Variants in CDH12 observed in about 807,000 individuals in gnomAD.
CDH12 encodes the protein cadherin 12.
Under a neutral mutation model 74.1 loss-of-function variants are expected in CDH12, and 41 were observed. The ratio of observed to expected loss-of-function variants is 0.55; its 90% CI spans 0.43 to 0.72. The LOEUF (loss-of-function observed/expected upper bound fraction) is 0.72. Among genes scored for constraint, CDH12 ranks in the 30% least tolerant of loss-of-function variants. The pLI is 0.00. For synonymous variants in CDH12, 399 were observed against 355.0 expected (o/e 1.12, Z -1.39); for missense variants, 945 against 977.2 (o/e 0.97, Z 0.44).
intron 3 of CDH12, among the ~76,000 whole-genome samples, chr5:22,306,398 G>T (rs1171638117): frequency 6.6e-6 from 1 of 151,938 alleles, no homozygotes; most frequent in African/African-American, 2.4e-5. Context: ...GAGAGAGAGA[G>T]ATTACAGAGA....
At chr5:21,957,408 T>C (rs13361901) in intron 6 of CDH12, among the ~76,000 whole-genome samples, 25,687 of 152,058 alleles carry the variant, frequency 0.17, 2,544 homozygotes, top group African/African-American at 0.27. Flanking sequence ...TAGAATGATA[T>C]ATTTTCTTCT....
chr5:21,842,018 AG>A, intron 8 of CDH12, 142 bp downstream of exon 8: 1 of 658,130 alleles, frequency 1.5e-6, no homozygotes, highest in Admixed American at 3.0e-5. Flanking sequence ...AAAAAAAAAA[AG>A]ATTTGTAATT....
intron 1 of CDH12, among the ~76,000 whole-genome samples, chr5:22,796,519 T>A (rs202203538): frequency 1.1e-5 from 1 of 90,766 alleles, no homozygotes; most frequent in Non-Finnish European, 2.0e-5. Context: ...TTTATCTTTT[T>A]TTTTTTTTTT....
At chr5:22,676,657 A>C (rs1741205935) in intron 1 of CDH12, among the ~76,000 whole-genome samples, 1 of 152,238 alleles carries the variant, frequency 6.6e-6, no homozygotes, top group South Asian at 2.1e-4. Flanking sequence ...GATAATACAG[A>C]ATATCTTCAA....
At chr5:22,563,070 A>C (rs1381481885) in intron 1 of CDH12, among the ~76,000 whole-genome samples, 3 of 147,198 alleles carry the variant, frequency 2.0e-5, no homozygotes, top group Admixed American at 2.0e-4. Context: ...ATATAGATTT[A>C]TATATTTATA....
intron 5 of CDH12, among the ~76,000 whole-genome samples, chr5:22,001,716 TTGC>T (rs1736613060): frequency 1.3e-5 from 2 of 152,080 alleles, no homozygotes; most frequent in South Asian, 4.1e-4. Flanking sequence ...CATATACTTT[TTGC>T]TGCTTTTTTT....
intron 1 of CDH12, among the ~76,000 whole-genome samples, chr5:22,532,375 A>ATATATATATATATATATATATG (rs1178546849): frequency 5.3e-5 from 4 of 75,834 alleles, no homozygotes; most frequent in African/African-American, 1.4e-4. Flanking sequence ...ATATATATAT[A>ATATATATATATATATATATATG]TATGTATGTA....
At chr5:22,525,321 C>A (rs552585577) in intron 1 of CDH12, among the ~76,000 whole-genome samples, 2 of 152,180 alleles carry the variant, frequency 1.3e-5, no homozygotes, top group East Asian at 3.9e-4. Flanking sequence ...TTGACCAAAA[C>A]AAATCACATG....
At chr5:21,950,715 G>A (rs1755811197) in intron 6 of CDH12, among the ~76,000 whole-genome samples, 1 of 149,578 alleles carries the variant, frequency 6.7e-6, no homozygotes, top group African/African-American at 2.4e-5. Flanking sequence ...ATTTAAAAAT[G>A]CAAGTGAGGT....
chr5:22,643,420 C>T (rs1739254682), intron 1 of CDH12, among the ~76,000 whole-genome samples: 1 of 152,104 alleles, frequency 6.6e-6, no homozygotes. Flanking sequence ...TAAAATAGCT[C>T]ATATGAAGGG....
intron 3 of CDH12, among the ~76,000 whole-genome samples, chr5:22,257,673 G>C (rs1176776888): frequency 6.6e-6 from 1 of 151,716 alleles, no homozygotes; most frequent in Non-Finnish European, 1.5e-5. Context: ...CTAATTTTTT[G>C]TATTTTTAGT....
intron 6 of CDH12, among the ~76,000 whole-genome samples, chr5:21,932,726 C>T (rs1337130133): frequency 1.3e-5 from 2 of 151,786 alleles, no homozygotes. Flanking sequence ...TGACAAAACC[C>T]CATCTGTACT....
At chr5:22,558,976 T>C (rs777036376) in intron 1 of CDH12, among the ~76,000 whole-genome samples, 1 of 152,124 alleles carries the variant, frequency 6.6e-6, no homozygotes, top group Non-Finnish European at 1.5e-5. Context: ...ATGCCACTGC[T>C]TGTATGTTGG....
At chr5:22,697,004 A>G (rs557652027) in intron 1 of CDH12, among the ~76,000 whole-genome samples, 2 of 152,274 alleles carry the variant, frequency 1.3e-5, no homozygotes, top group African/African-American at 4.8e-5. Flanking sequence ...GATTGAAGTT[A>G]TTTAAGAAAA....
intron 6 of CDH12, among the ~76,000 whole-genome samples, chr5:21,955,277 T>A (rs1191570361): frequency 2.0e-5 from 3 of 151,974 alleles, no homozygotes; most frequent in Non-Finnish European, 2.9e-5. Flanking sequence ...TCAAGCTTTT[T>A]TTTTTCTTAT....
chr5:22,124,002 C>A (rs1414307086), intron 4 of CDH12, among the ~76,000 whole-genome samples: 1 of 151,142 alleles, frequency 6.6e-6, no homozygotes, highest in Non-Finnish European at 1.5e-5. Flanking sequence ...GAGTCTCGCT[C>A]TGTCTCCCAG....
intron 4 of CDH12, among the ~76,000 whole-genome samples, chr5:22,117,493 A>G (rs796128304): frequency 0.01 from 765 of 73,202 alleles, 15 homozygotes; most frequent in Middle Eastern, 0.013. Context: ...TATATATTAT[A>G]TATATATAAT....
intron 6 of CDH12, among the ~76,000 whole-genome samples, chr5:21,888,133 T>C (rs1218495936): frequency 6.6e-6 from 1 of 152,120 alleles, no homozygotes; most frequent in Non-Finnish European, 1.5e-5. Flanking sequence ...TTGGTTGCAA[T>C]ATGGTGCAAC....
chr5:22,070,968 G>C (rs1411126632), intron 5 of CDH12, among the ~76,000 whole-genome samples: 1 of 152,048 alleles, frequency 6.6e-6, no homozygotes, highest in Non-Finnish European at 1.5e-5. Flanking sequence ...ACACACTGCA[G>C]CCTGTCAGGG....
Sources: allele counts gnomAD v4.1 joint callset (sites outside exome capture counted in the v4.1 genomes callset), GRCh38; gene constraint gnomAD v4.1.1; transcripts MANE v1.5; gene names NCBI Gene and HGNC (gene_info 2026-07-23, HGNC 2026-07-21).